Variants in MICAL2 observed in about 807,000 individuals in gnomAD.
The protein encoded by MICAL2 is [F-actin]-monooxygenase MICAL2.
In MICAL2, 77 loss-of-function variants were observed where a neutral mutation model predicts 127.3. That is an observed-to-expected ratio of 0.60 (90% CI 0.50 to 0.73). The LOEUF (loss-of-function observed/expected upper bound fraction) is 0.73, where lower values mean the gene tolerates loss of function less well. Among genes scored for constraint, MICAL2 ranks in the 30% least tolerant of loss-of-function variants. The pLI is 0.00. For missense variants in MICAL2, 1,351 were observed against 1,434.4 expected (o/e 0.94, Z 0.94); for synonymous variants, 570 against 551.1 (o/e 1.03, Z -0.48).
At chr11:12,317,589 C>T (rs900463580) in intron 29 of MICAL2, among the ~76,000 whole-genome samples, 3 of 152,234 alleles carry the variant, frequency 2.0e-5, no homozygotes, top group South Asian at 2.1e-4. Context: ...GATCAGGAGT[C>T]GAAACCAGCC....
chr11:12,360,053 A>G (rs1939184518), downstream of MICAL2, among the ~76,000 whole-genome samples: 2 of 150,900 alleles, frequency 1.3e-5, no homozygotes, highest in South Asian at 2.1e-4. Flanking sequence ...CAATCTTTCT[A>G]TGTTATAGCA....
intron 3 of MICAL2, among the ~76,000 whole-genome samples, chr11:12,167,267 G>A (rs1250694482): frequency 3.9e-5 from 6 of 152,148 alleles, no homozygotes; most frequent in African/African-American, 1.2e-4. Context: ...CGTATGTAAT[G>A]AAAACTCTTG....
intron 31 of MICAL2, among the ~76,000 whole-genome samples, chr11:12,326,574 A>C (rs1864355197): frequency 6.6e-6 from 1 of 152,214 alleles, no homozygotes; most frequent in Admixed American, 6.5e-5. Context: ...GGCACAGTAC[A>C]CTTCCACAAT....
At chr11:12,335,916 G>A (rs1938746233) in intron 32 of MICAL2, among the ~76,000 whole-genome samples, 1 of 152,058 alleles carries the variant, frequency 6.6e-6, no homozygotes, top group African/African-American at 2.4e-5. Context: ...CTTTTGGCTT[G>A]GGATTGACTT....
rs187568571 is a variant in MICAL2 at position 12,232,451 on chromosome 11, C to T, written c.1996-3726C>T. Among the ~76,000 whole-genome samples, 19 of 152,288 alleles carry T rather than the reference C, an allele frequency of 1.2e-4. No individual in the cohort carries two copies. The East Asian group carries it at 2.9e-3, about 23-fold the overall frequency. Reference sequence around the variant, plus strand: ...TAAAATTCTGTTACTCTGCCAAGCACGGTGTCTCATGCCTGTAATCCAGCA... The same window carrying T: ...TAAAATTCTGTTACTCTGCCAAGCATGGTGTCTCATGCCTGTAATCCAGCA... On this transcript the variant is annotated intron_variant, in intron 15 of 27. Transcript: ENST00000683283.
Position 12,226,156 on chromosome 11 carries a change from G to C in MICAL2, c.1689-15G>C, listed in dbSNP as rs1173159504. The C allele has an allele frequency of 6.2e-7, 1 of 1,614,060 alleles. No individual in the cohort carries two copies. Among genetic ancestry groups the C allele is most frequent in the Non-Finnish European group, 8.5e-7 (1 of 1,179,924 alleles). On this transcript the variant is annotated splice_polypyrimidine_tract_variant and intron_variant, in intron 13 of 27. Transcript: ENST00000683283. ...TCCTCTCCCTGAATTTCTCTGCTTT[G>C]TTTTGATTCTCTAGCAACTTTGACT...
At chr11:12,191,471 CAA>C (rs35378255) in intron 3 of MICAL2, among the ~76,000 whole-genome samples, 7 of 133,524 alleles carry the variant, frequency 5.2e-5, no homozygotes, top group African/African-American at 1.4e-4. Context: ...GACTATGTCT[CAA>C]AAAAAAAAAA....
chr11:12,270,197 T>G (rs910451789), intron 24 of MICAL2, among the ~76,000 whole-genome samples: 1 of 152,160 alleles, frequency 6.6e-6, no homozygotes, highest in Admixed American at 6.5e-5. Flanking sequence ...TGCTGGGGAC[T>G]TGTAGTGTCC....
upstream of MICAL2, among the ~76,000 whole-genome samples, chr11:12,275,069 T>C (rs1863710427): frequency 6.6e-6 from 1 of 152,098 alleles, no homozygotes; most frequent in Non-Finnish European, 1.5e-5. Context: ...CCCACCAGGA[T>C]TTGCCGATGA....
At chr11:12,201,277 A>T (rs537762389) in intron 3 of MICAL2, among the ~76,000 whole-genome samples, 28 of 152,226 alleles carry the variant, frequency 1.8e-4, no homozygotes, top group African/African-American at 6.7e-4. Flanking sequence ...GGTTCCAACC[A>T]GTAAGCCACA....
chr11:12,296,794 T>C (rs1018073562), downstream of MICAL2, among the ~76,000 whole-genome samples: 3 of 151,902 alleles, frequency 2.0e-5, no homozygotes, highest in Non-Finnish European at 2.9e-5. Context: ...TTAACACAAA[T>C]GATAGCATGG....
intron 1 of MICAL2, chr11:12,276,323 G>C (rs1007217370): frequency 2.5e-6 from 1 of 396,906 alleles, no homozygotes; most frequent in Non-Finnish European, 4.4e-6. Flanking sequence ...ACCCATCTCA[G>C]AGGGAGTGGT....
Position 12,222,762 on chromosome 11 carries a change from CTCTG to C in MICAL2, c.1449+24_1449+27del, listed in dbSNP as rs1856974173. The C allele has an allele frequency of 6.2e-7, 1 of 1,613,892 alleles. No individual in the cohort carries two copies. The highest frequency in any genetic ancestry group is 8.5e-7 in the Non-Finnish European group (1 of 1,179,952). On this transcript the variant is annotated intron_variant, in intron 11 of 27. Coordinates refer to ENST00000683283, the MANE Select transcript of MICAL2 (RefSeq NM_001282663.2). ...CCATCAGGCAAGTCCATTGCTGGGG[CTCTG>C]TCTGAATCACTCTGCACTGAACAGT...
chr11:12,191,069 C>A (rs1014881888), intron 3 of MICAL2, among the ~76,000 whole-genome samples: 1 of 152,228 alleles, frequency 6.6e-6, no homozygotes, highest in African/African-American at 2.4e-5. Flanking sequence ...GGATGAGGGA[C>A]TGCTCTAGCC....
Position 12,241,069 on chromosome 11 carries a change from G to C in MICAL2, c.2244G>C (p.Pro748=), listed in dbSNP as rs768429993. 9.9e-6 allele frequency: 16 copies of C among 1,613,950 alleles called. No individual in the cohort carries two copies. In the African/African-American group the frequency reaches 2.0e-4, roughly 20 times the overall value. ...GCCGTGTCTCAGGGATAGGTAAGCC[G>C]GTCCTGTGCTCTTCCTCCGGCCCTC... ...QERRVSGIGK[P]VLCSSSGPPV... The change falls in exon 18 of 28, where the codon CCG becomes CCC. Residue 748 remains proline, a synonymous_variant. Transcript: ENST00000683283.
chr11:12,307,768 C>A (rs1864129805), intron 29 of MICAL2, among the ~76,000 whole-genome samples: 1 of 152,134 alleles, frequency 6.6e-6, no homozygotes, highest in Non-Finnish European at 1.5e-5. Context: ...ATCAATTGAC[C>A]ATATATGTGT....
intron 2 of MICAL2, among the ~76,000 whole-genome samples, chr11:12,159,349 A>C (rs944635856): frequency 6.6e-6 from 1 of 152,216 alleles, no homozygotes; most frequent in Non-Finnish European, 1.5e-5. Context: ...AACTTGGAGA[A>C]CTGATTTACA....
chr11:12,162,138 G>A lies in MICAL2; in HGVS notation c.-18G>A, dbSNP rs369267227. ...CCTGTGTCCTCGCCGCACCACTGCC[G>A]CACACGACTCCTGAACCATGGGGGA... is the stretch of plus-strand genomic sequence containing the variant. On this transcript the variant is annotated 5_prime_UTR_variant, in exon 3 of 28. Coordinates refer to ENST00000683283, the MANE Select transcript of MICAL2 (RefSeq NM_001282663.2). 3.7e-5 allele frequency: 59 copies of A among 1,613,630 alleles called. No homozygotes were observed. In the African/African-American group the frequency reaches 4.5e-4, roughly 12 times the overall value.
downstream of MICAL2, among the ~76,000 whole-genome samples, chr11:12,295,441 CT>C (rs373402403): frequency 5.8e-4 from 73 of 126,354 alleles, no homozygotes; most frequent in South Asian, 2.6e-3. Context: ...TGCTCAGCCT[CT>C]TTTTTTTTTT....
Sources: allele counts gnomAD v4.1 joint callset (sites outside exome capture counted in the v4.1 genomes callset), GRCh38; gene constraint gnomAD v4.1.1; transcripts MANE v1.5; gene names NCBI Gene and HGNC (gene_info 2026-07-23, HGNC 2026-07-21).